N4BP2: variants seen among roughly 807,000 people sequenced by gnomAD.
The protein encoded by N4BP2 is NEDD4-binding protein 2.
A neutral mutation model predicts 152.8 loss-of-function variants in N4BP2; 91 were observed. The observed-to-expected ratio is 0.60, with a 90% CI of 0.50 to 0.71. The LOEUF is 0.71. Among genes scored for constraint, N4BP2 ranks in the 30% least tolerant of loss-of-function variants. N4BP2 has a pLI of 0.00. For missense variants in N4BP2, 1,923 were observed against 2,059.1 expected (o/e 0.93, Z 1.28); for synonymous variants, 646 against 705.3 (o/e 0.92, Z 1.33).
chr4:40,190,239 G>A, the N4BP2 span, among the ~76,000 whole-genome samples: 1 of 152,170 alleles, frequency 6.6e-6, no homozygotes, highest in African/African-American at 2.4e-5. Context: ...ACCTAGCCGA[G>A]TGCTCAATAA....
chr4:40,120,064 A>C lies in N4BP2; in HGVS notation c.1953A>C (p.Ala651=). Residue 651 remains alanine (A), a synonymous_variant, in exon 9 of 18, where the codon GCA becomes GCC. Transcript: ENST00000261435. ...AAACAATGTTACCTGAGAATGTTGC[A>C]TATCTCTCTAATGCAGATTTAAACA... ...TKETMLPENV[A]YLSNADLNKR... The C allele has an allele frequency of 6.2e-7, 1 of 1,611,228 alleles. No homozygotes were observed. The highest frequency in any genetic ancestry group is 1.3e-5 in the African/African-American group (1 of 74,948).
At chr4:40,079,122 G>A (rs7697025) in intron 2 of N4BP2, among the ~76,000 whole-genome samples, 5 of 151,214 alleles carry the variant, frequency 3.3e-5, no homozygotes, top group Non-Finnish European at 7.4e-5. Flanking sequence ...GGGTTTTACC[G>A]TGCTGGCCAG....
chr4:40,097,556 A>G lies in N4BP2; in HGVS notation c.216A>G (p.Glu72=). The change falls in exon 3 of 18, where the codon GAA becomes GAG. Residue 72 remains glutamate (E), a synonymous_variant. Coordinates refer to ENST00000261435, the MANE Select transcript of N4BP2 (RefSeq NM_018177.6). ...ATGTAGTGTATTTGATGCTTTCTGA[A>G]TGTGATTTCAAAGGTGAGAAAAAGT... is the stretch of plus-strand genomic sequence containing the variant. The part of the protein sequence containing the change: ...DPDVVYLMLS[E]CDFKVENAMD... The G allele has an allele frequency of 6.2e-7, 1 of 1,610,340 alleles. No individual in the cohort carries two copies. The highest frequency in any genetic ancestry group is 8.5e-7 in the Non-Finnish European group (1 of 1,176,752).
chr4:40,059,711 A>T (rs906888316), intron 1 of N4BP2, among the ~76,000 whole-genome samples: 2 of 152,200 alleles, frequency 1.3e-5, no homozygotes, highest in African/African-American at 2.4e-5. Context: ...ACATCAAGCC[A>T]TGTATCATTA....
intron 1 of N4BP2, among the ~76,000 whole-genome samples, chr4:40,059,398 A>T (rs762209389): frequency 1.4e-4 from 21 of 151,460 alleles, no homozygotes; most frequent in Admixed American, 2.6e-4. Flanking sequence ...GTATGTATGT[A>T]TGTATGTATT....
At chr4:40,166,227 CCT>C in the N4BP2 span, among the ~76,000 whole-genome samples, 1 of 152,074 alleles carries the variant, frequency 6.6e-6, no homozygotes, top group African/African-American at 2.4e-5. Context: ...AAGTTTTTTC[CCT>C]GTTTCACATG....
At chr4:40,187,901 G>A in the N4BP2 span, among the ~76,000 whole-genome samples, 1 of 152,150 alleles carries the variant, frequency 6.6e-6, no homozygotes, top group Non-Finnish European at 1.5e-5. Flanking sequence ...AAAAATGAAT[G>A]TCTAAAACTT....
chr4:40,112,037 C>A, intron 5 of N4BP2, 47 bp from the exon 6 acceptor site: 1 of 1,004,120 alleles, frequency 1.0e-6, no homozygotes, highest in Non-Finnish European at 1.5e-6. Flanking sequence ...AATCATAATA[C>A]TTAGTATTGT....
chr4:40,145,875 A>G (rs1720465101), intron 16 of N4BP2, among the ~76,000 whole-genome samples: 1 of 152,152 alleles, frequency 6.6e-6, no homozygotes, highest in Non-Finnish European at 1.5e-5. Context: ...AGAAAATACA[A>G]GTTGTGGCCG....
chr4:40,155,968 A>G lies in N4BP2; in HGVS notation c.*1731A>G, dbSNP rs149580031. On this transcript the variant is annotated 3_prime_UTR_variant, in exon 18 of 18. Transcript: ENST00000261435. ...AGTATTATTCACACTTATGTTTGTA[A>G]TAATTTATTTAAAGAATGCCAACAG... is the stretch of plus-strand genomic sequence containing the variant. 199 of 152,330 alleles carry G rather than the reference A, an allele frequency of 1.3e-3. 2 individuals are homozygous for G. Among genetic ancestry groups the G allele is most frequent in the African/African-American group, 4.6e-3 (192 of 41,582 alleles). 9.4% of individuals were successfully genotyped at this position (152,330 alleles called of 1,614,324 possible).
intron 2 of N4BP2, among the ~76,000 whole-genome samples, chr4:40,074,493 G>T (rs560092926): frequency 1.3e-5 from 2 of 152,024 alleles, no homozygotes; most frequent in Non-Finnish European, 2.9e-5. Context: ...ACAGGTGTGA[G>T]CCACCACGCC....
Position 40,120,670 on chromosome 4 carries a change from G to C in N4BP2, c.2559G>C (p.Lys853Asn). 2 of 1,614,144 alleles carry C rather than the reference G, an allele frequency of 1.2e-6. No individual in the cohort carries two copies. The highest frequency in any genetic ancestry group is 1.7e-6 in the Non-Finnish European group (2 of 1,180,010). Residue 853 changes from lysine (K) to asparagine (N), a missense_variant, in exon 9 of 18, where the codon AAG becomes AAC. Lys to Asn is a moderately conservative substitution (Grantham distance 94, BLOSUM62 0). Transcript: ENST00000261435. ...SPHESVEDGR[K>N]SQCDDASEPL... ...ATGAAAGTGTAGAGGATGGCAGAAA[G>C]TCACAGTGTGATGATGCTTCAGAGC...
At chr4:40,174,208 C>G in the N4BP2 span, among the ~76,000 whole-genome samples, 1 of 151,688 alleles carries the variant, frequency 6.6e-6, no homozygotes, top group Non-Finnish European at 1.5e-5. Flanking sequence ...AAGACACTGT[C>G]TCTACAAAAA....
At chr4:40,110,416 G>GT (rs1435842914) in intron 5 of N4BP2, among the ~76,000 whole-genome samples, 2 of 152,102 alleles carry the variant, frequency 1.3e-5, no homozygotes, top group African/African-American at 2.4e-5. Context: ...GTTATTGTCC[G>GT]TTTTTTTGAT....
rs367761431 is a variant in N4BP2, at chr4:40,081,206, TA to T, written c.-115+7661del. Among the ~76,000 whole-genome samples the T allele has an allele frequency of 6.0e-3, 912 of 152,256 alleles. 9 individuals carry two copies. The highest frequency in any genetic ancestry group is 0.021 in the African/African-American group (862 of 41,572). The stretch of plus-strand genomic sequence containing the variant: ...ATGTGGAAAATGCGAAAGTAGCATA[TA>T]AAAAATATATTAAAAAAATCACCTA... On this transcript the variant is annotated intron_variant, in intron 2 of 17. Coordinates refer to ENST00000261435, the MANE Select transcript of N4BP2 (RefSeq NM_018177.6).
chr4:40,085,770 G>C (rs1484392215), intron 2 of N4BP2, among the ~76,000 whole-genome samples: 1 of 152,162 alleles, frequency 6.6e-6, no homozygotes, highest in Non-Finnish European at 1.5e-5. Context: ...TTGGGGGAGA[G>C]ATTGATCAGC....
Position 40,154,185 on chromosome 4 carries a change from T to G in N4BP2, c.5268-7T>G. The G allele has an allele frequency of 6.3e-7, 1 of 1,595,604 alleles. No individual in the cohort carries two copies. Among genetic ancestry groups the G allele is most frequent in the Non-Finnish European group, 8.6e-7 (1 of 1,168,466 alleles). ...TCTTTAAAATAACTCTTTTCTCATT[T>G]CTGCAGGTTCTCTGAAATTAAACCA... On this transcript the variant is annotated splice_region_variant and splice_polypyrimidine_tract_variant and intron_variant, in intron 17 of 17. Coordinates refer to ENST00000261435, the MANE Select transcript of N4BP2 (RefSeq NM_018177.6).
At chr4:40,094,926 C>T (rs1455831874) in intron 2 of N4BP2, among the ~76,000 whole-genome samples, 2 of 151,804 alleles carry the variant, frequency 1.3e-5, no homozygotes, top group East Asian at 3.9e-4. Flanking sequence ...CTCGAGTAGC[C>T]GGGACTACAG....
chr4:40,064,540 T>C (rs1733893148), intron 1 of N4BP2, among the ~76,000 whole-genome samples: 1 of 152,158 alleles, frequency 6.6e-6, no homozygotes, highest in South Asian at 2.1e-4. Flanking sequence ...CCCAAAGTGC[T>C]GGGGTTACAG....
Sources: gnomAD v4.1 joint callset for allele counts (sites outside exome capture counted in the v4.1 genomes callset) on GRCh38, gnomAD v4.1.1 for gene constraint, MANE v1.5 for transcripts, NCBI Gene and HGNC (gene_info 2026-07-23, HGNC 2026-07-21) for gene names.